TET1: variants seen among roughly 807,000 people sequenced by gnomAD.
The protein encoded by TET1 is tet methylcytosine dioxygenase 1, also known as methylcytosine dioxygenase TET1.
A neutral mutation model predicts 148.7 loss-of-function variants in TET1; 13 were observed. That is an observed-to-expected ratio of 0.09 (90% CI 0.06 to 0.14). TET1 has a LOEUF of 0.14. Ranked by LOEUF, TET1 falls within the 10% of genes least tolerant of loss-of-function variation. TET1 has a pLI of 1.00. For synonymous variants in TET1, 907 were observed against 937.2 expected (o/e 0.97, Z 0.59); for missense variants, 2,182 against 2,553.8 (o/e 0.85, Z 3.14).
intron 9 of TET1, 53 bp downstream of exon 9, chr10:68,681,541 G>C: frequency 3.1e-6 from 4 of 1,284,870 alleles, no homozygotes; most frequent in Non-Finnish European, 4.4e-6. Flanking sequence ...GTGGGGTCTT[G>C]CTTTGTTGCC....
chr10:68,631,433 C>CTTTTTTTTTTTTTT (rs546257824), intron 3 of TET1, among the ~76,000 whole-genome samples: 27 of 110,590 alleles, frequency 2.4e-4, no homozygotes, highest in African/African-American at 3.0e-4. Context: ...TTTCTTTCTT[C>CTTTTTTTTTTTTTT]TTTTTTTTTT....
intron 4 of TET1, 81 bp downstream of exon 4, chr10:68,647,086 T>G (rs1323951912): frequency 7.0e-7 from 1 of 1,424,846 alleles, no homozygotes; most frequent in Non-Finnish European, 9.5e-7. Context: ...TGATTCATCT[T>G]TTTTGTGTGA....
At chr10:68,651,675 A>C (rs1004384133) in intron 4 of TET1, among the ~76,000 whole-genome samples, 171 bp from the exon 5 acceptor site, 3 of 152,282 alleles carry the variant, frequency 2.0e-5, no homozygotes, top group African/African-American at 7.2e-5. Flanking sequence ...GAACATTAAA[A>C]GTTAAATTTC....
intron 4 of TET1, among the ~76,000 whole-genome samples, chr10:68,650,510 A>G (rs1564492329): frequency 6.6e-6 from 1 of 151,866 alleles, no homozygotes; most frequent in Non-Finnish European, 1.5e-5. Context: ...GCATGCCTGT[A>G]ATCCCAGCTA....
rs756516828 is a variant in TET1, at chr10:68,691,316, A to G, written c.5913A>G (p.Ser1971=). 7 of 1,614,108 alleles carry G rather than the reference A, an allele frequency of 4.3e-6. No individual in the cohort carries two copies. The African/African-American group carries it at 8.0e-5, about 18-fold the overall frequency. Residue 1971 remains serine, a synonymous_variant, in exon 12 of 12, where the codon TCA becomes TCG. Transcript: ENST00000373644. This position sits in a 1 kb window ranked among gnomAD's most constrained non-coding sequence, Gnocchi z 4.4. ...EQHSEADEPP[S]DEPLSDDPLS... The stretch of plus-strand genomic sequence containing the variant: ...ATTCTGAAGCAGATGAGCCTCCATC[A>G]GACGAACCCCTATCTGATGACCCCC...
intron 3 of TET1, among the ~76,000 whole-genome samples, chr10:68,643,738 G>A (rs9787693): frequency 0.19 from 28,539 of 151,414 alleles, 3,351 homozygotes; most frequent in African/African-American, 0.33. Flanking sequence ...GCTCGAACCC[G>A]GGAGGCAGAG....
chr10:68,689,864 A>C (rs2055566804), intron 11 of TET1, among the ~76,000 whole-genome samples: 1 of 152,162 alleles, frequency 6.6e-6, no homozygotes, highest in African/African-American at 2.4e-5. Context: ...GATGTGTCAG[A>C]GCAAATAACC....
chr10:68,628,104 G>A (rs560929087), intron 3 of TET1, among the ~76,000 whole-genome samples: 4 of 152,072 alleles, frequency 2.6e-5, no homozygotes, highest in Non-Finnish European at 4.4e-5. Flanking sequence ...CCACCAACAC[G>A]CCCAGCTAAT....
intron 3 of TET1, among the ~76,000 whole-genome samples, chr10:68,638,028 C>T (rs1482741429): frequency 6.6e-6 from 1 of 152,182 alleles, no homozygotes; most frequent in African/African-American, 2.4e-5. Context: ...GACCCACTCA[C>T]TGCAGCTTCC....
At chr10:68,632,689 G>A (rs965738772) in intron 3 of TET1, 14 of 1,608,850 alleles carry the variant, frequency 8.7e-6, no homozygotes, top group African/African-American at 1.3e-5. Flanking sequence ...TACCCACCTC[G>A]ATCCTGAAAG....
chr10:68,596,682 TATGCTGTGTTCA>T (rs1404911403), intron 2 of TET1, among the ~76,000 whole-genome samples: 6 of 152,222 alleles, frequency 3.9e-5, no homozygotes, highest in African/African-American at 1.2e-4. Context: ...ACACCTGATC[TATGCTGTGTTCA>T]AACAAGTATA....
At chr10:68,581,054 A>T (rs189642921) in intron 2 of TET1, among the ~76,000 whole-genome samples, 290 of 152,250 alleles carry the variant, frequency 1.9e-3, no homozygotes, top group African/African-American at 6.6e-3. Context: ...TTTAGCCCCT[A>T]AAGCCATGTA....
chr10:68,690,276 C>T (rs2055571282), intron 11 of TET1, among the ~76,000 whole-genome samples: 1 of 152,012 alleles, frequency 6.6e-6, no homozygotes, highest in Non-Finnish European at 1.5e-5. Flanking sequence ...TAGATTTTTG[C>T]ACTTATTTAT....
chr10:68,585,365 G>A (rs1051554827), intron 2 of TET1, among the ~76,000 whole-genome samples: 7 of 151,852 alleles, frequency 4.6e-5, no homozygotes, highest in African/African-American at 1.7e-4. Flanking sequence ...AACTCCTGAC[G>A]TCAGGTGATC....
At chr10:68,665,791 T>C (rs1464393600) in intron 6 of TET1, among the ~76,000 whole-genome samples, 1 of 152,100 alleles carries the variant, frequency 6.6e-6, no homozygotes, top group African/African-American at 2.4e-5. Flanking sequence ...AATTTTAATA[T>C]AAATAATTGT....
chr10:68,673,757 A>G (rs1252721083), intron 8 of TET1, among the ~76,000 whole-genome samples: 1 of 152,016 alleles, frequency 6.6e-6, no homozygotes, highest in African/African-American at 2.4e-5. Flanking sequence ...AACATTTTAT[A>G]TTACAAGCCA....
At position 68,565,475 on chromosome 10, in the gene TET1, A is replaced by AATATAT. The variant is rs71019031; in HGVS notation, c.-123+4752_-123+4757dup. 2.9e-4 allele frequency among the ~76,000 whole-genome samples: 37 copies of AATATAT among 129,226 alleles called. 1 individual carries two copies. Among genetic ancestry groups the AATATAT allele is most frequent in the South Asian group, 1.8e-3 (7 of 3,862 alleles). The allele number at this position is 129,226 out of a possible 152,430, so 84.8% of individuals were successfully genotyped here. ...AGCAAGACCCTGTTTAAAAAAAAAA[A>AATATAT]ATATATATATATATATATATATATG... On this transcript the variant is annotated intron_variant, in intron 1 of 11. Transcript: ENST00000373644.
At chr10:68,568,986 T>C (rs2053636538) in intron 1 of TET1, among the ~76,000 whole-genome samples, 1 of 152,194 alleles carries the variant, frequency 6.6e-6, no homozygotes, top group Non-Finnish European at 1.5e-5. Context: ...ATGCCTTCCT[T>C]AGACATAGCA....
At chr10:68,644,592 C>A in intron 3 of TET1, 106 bp from the exon 4 acceptor site, 1 of 1,085,076 alleles carries the variant, frequency 9.2e-7, no homozygotes, top group Non-Finnish European at 1.3e-6. Flanking sequence ...ATATTTTAGG[C>A]TGTATCCACA....
Sources: allele counts gnomAD v4.1 joint callset (sites outside exome capture counted in the v4.1 genomes callset), GRCh38; gene constraint gnomAD v4.1.1; non-coding constraint Gnocchi (gnomAD v3.1); transcripts MANE v1.5; gene names NCBI Gene and HGNC (gene_info 2026-07-23, HGNC 2026-07-21).